The following SEMA6A variants were observed in gnomAD, a reference collection of about 807,000 sequenced individuals.
SEMA6A encodes the protein semaphorin 6A, also known as semaphorin-6A.
A neutral mutation model predicts 96.8 loss-of-function variants in SEMA6A; 25 were observed. That is an observed-to-expected ratio of 0.26 (90% CI 0.19 to 0.36). SEMA6A has a LOEUF of 0.36. Ranked by LOEUF, SEMA6A falls within the 10% of genes least tolerant of loss-of-function variation. The pLI is 1.00. For missense variants in SEMA6A, 1,363 were observed against 1,323.1 expected (o/e 1.03, Z -0.47); for synonymous variants, 612 against 518.0 (o/e 1.18, Z -2.46).
rs200776266 is a variant in SEMA6A at position 116,447,070 on chromosome 5, G to T, written c.2636C>A (p.Pro879His). ...GGAGGCCTCCCGCTGTGGAACTTTG[G>T]GGGGCAGGCTGTCCAGGTTCTCCAC... ...NLVENLDSLP[P>H]KVPQREASLG... Residue 879 changes from proline (P) to histidine (H), a missense_variant, in exon 19 of 19, where the codon CCC (proline) becomes CAC (histidine). Transcript: ENST00000343348. 3.2e-5 allele frequency: 51 copies of T among 1,613,928 alleles called. No individual in the cohort carries two copies. Among genetic ancestry groups the T allele is most frequent in the South Asian group, 6.6e-5 (6 of 91,084 alleles).
chr5:116,451,400 G>A (rs777696866), intron 18 of SEMA6A, among the ~76,000 whole-genome samples: 6 of 152,166 alleles, frequency 3.9e-5, no homozygotes, highest in African/African-American at 1.2e-4. Context: ...CAAACTTCGT[G>A]CCTTCTAAAT....
chr5:116,476,111 G>A (rs1053500175), intron 15 of SEMA6A, among the ~76,000 whole-genome samples: 2 of 152,124 alleles, frequency 1.3e-5, no homozygotes, highest in African/African-American at 2.4e-5. Flanking sequence ...AGCCGGTGGT[G>A]CATTTTGTGG....
intron 11 of SEMA6A, among the ~76,000 whole-genome samples, chr5:116,481,728 A>G (rs544106427): frequency 8.5e-5 from 13 of 152,104 alleles, no homozygotes; most frequent in Non-Finnish European, 1.2e-4. Context: ...GAGGCACGCA[A>G]AGGGCTTAGC....
chr5:116,529,507 A>G (rs1385122697), intron 1 of SEMA6A, among the ~76,000 whole-genome samples: 1 of 152,168 alleles, frequency 6.6e-6, no homozygotes, highest in Non-Finnish European at 1.5e-5. Flanking sequence ...TTCACACAGT[A>G]TCCCATAAAT....
chr5:116,474,547 G>C (rs1192877624), intron 16 of SEMA6A, among the ~76,000 whole-genome samples: 1 of 152,194 alleles, frequency 6.6e-6, no homozygotes, highest in Non-Finnish European at 1.5e-5. Context: ...ATATGGCAAA[G>C]ATTTGGAGAT....
intron 1 of SEMA6A, among the ~76,000 whole-genome samples, chr5:116,516,398 C>G (rs1758670364): frequency 1.3e-5 from 2 of 152,086 alleles, no homozygotes; most frequent in Admixed American, 1.3e-4. Flanking sequence ...TTTCGTTTAT[C>G]CGAAAAAAGC....
intron 1 of SEMA6A, among the ~76,000 whole-genome samples, chr5:116,517,138 T>C (rs151277233): frequency 6.6e-6 from 1 of 152,158 alleles, no homozygotes; most frequent in African/African-American, 2.4e-5. Context: ...CAAGCTTGAG[T>C]TGGCATGAGA....
At chr5:116,489,042 G>C in intron 7 of SEMA6A, 35 bp from the exon 8 acceptor site, 2 of 1,539,176 alleles carry the variant, frequency 1.3e-6, no homozygotes, top group Non-Finnish European at 1.8e-6. Flanking sequence ...AACAGGGTGG[G>C]AGCAAGTCAG....
At chr5:116,501,176 T>C (rs17139946) in intron 3 of SEMA6A, among the ~76,000 whole-genome samples, 10,471 of 152,246 alleles carry the variant, frequency 0.069, 370 homozygotes, top group Middle Eastern at 0.088. Context: ...TCATATATTG[T>C]TGGACTCCTT....
chr5:116,456,126 A>C (rs1325908005), intron 18 of SEMA6A, among the ~76,000 whole-genome samples: 2 of 152,196 alleles, frequency 1.3e-5, no homozygotes, highest in Non-Finnish European at 2.9e-5. Context: ...AGGATTTACA[A>C]CTACAACAAA....
At chr5:116,554,029 G>T (rs1391224074) in intron 1 of SEMA6A, among the ~76,000 whole-genome samples, 3 of 152,110 alleles carry the variant, frequency 2.0e-5, no homozygotes, top group African/African-American at 7.2e-5. Context: ...ACTTCAATAG[G>T]TAATGATAGG....
At chr5:116,558,096 C>G (rs1416064834) in intron 1 of SEMA6A, among the ~76,000 whole-genome samples, 1 of 152,098 alleles carries the variant, frequency 6.6e-6, no homozygotes, top group African/African-American at 2.4e-5. Context: ...TTCTCTAGAA[C>G]CTTTCTAGAT....
chr5:116,507,736 A>G (rs946791453), intron 1 of SEMA6A, among the ~76,000 whole-genome samples: 1 of 152,262 alleles, frequency 6.6e-6, no homozygotes, highest in African/African-American at 2.4e-5. Context: ...GACTGTCAAT[A>G]TAAGGATTCT....
chr5:116,543,524 C>A (rs1760060326), intron 1 of SEMA6A, among the ~76,000 whole-genome samples: 1 of 152,234 alleles, frequency 6.6e-6, no homozygotes, highest in African/African-American at 2.4e-5. Context: ...CAATGCTTAT[C>A]TCTAACATCT....
Position 116,482,595 on chromosome 5 carries a change from A to G in SEMA6A, c.963-20T>C. The G allele has an allele frequency of 6.2e-7, 1 of 1,612,696 alleles. No individual in the cohort carries two copies. Among genetic ancestry groups the G allele is most frequent in the Non-Finnish European group, 8.5e-7 (1 of 1,179,062 alleles). ...GGGATGCTACAACATGATATTTCAC[A>G]TCAAGTGTTACTCATGCAATGGTTA... On this transcript the variant is annotated intron_variant, in intron 10 of 18. Transcript: ENST00000343348.
chr5:116,481,689 A>T (rs529471974), intron 11 of SEMA6A, among the ~76,000 whole-genome samples: 1 of 152,268 alleles, frequency 6.6e-6, no homozygotes, highest in Admixed American at 6.5e-5. Flanking sequence ...AAATGCTGCA[A>T]TGGAGGTGTG....
chr5:116,553,783 G>A (rs536690270), intron 1 of SEMA6A, among the ~76,000 whole-genome samples: 1 of 152,066 alleles, frequency 6.6e-6, no homozygotes, highest in South Asian at 2.1e-4. Flanking sequence ...TGAGATGTTA[G>A]GGGGGAAAAA....
intron 1 of SEMA6A, among the ~76,000 whole-genome samples, chr5:116,508,483 A>T (rs1758250747): frequency 6.6e-6 from 1 of 152,282 alleles, no homozygotes; most frequent in African/African-American, 2.4e-5. Context: ...GGACCCAGCC[A>T]GAGTACCACG....
intron 3 of SEMA6A, among the ~76,000 whole-genome samples, chr5:116,499,529 T>C (rs1325545298): frequency 6.6e-6 from 1 of 152,090 alleles, no homozygotes; most frequent in Non-Finnish European, 1.5e-5. Context: ...TAAAGTGAAT[T>C]AAAGTTGGAA....
Sources: allele counts gnomAD v4.1 joint callset (sites outside exome capture counted in the v4.1 genomes callset), GRCh38; gene constraint gnomAD v4.1.1; transcripts MANE v1.5; gene names NCBI Gene and HGNC (gene_info 2026-07-23, HGNC 2026-07-21).